The following PTPRN2 variants were observed in gnomAD, a reference collection of about 807,000 sequenced individuals.
PTPRN2 encodes protein tyrosine phosphatase receptor type N2.
A neutral mutation model predicts 118.8 loss-of-function variants in PTPRN2; 74 were observed. The observed-to-expected ratio is 0.62, with a 90% CI of 0.52 to 0.76. PTPRN2 has a LOEUF of 0.76. Among genes scored for constraint, PTPRN2 ranks in the 30% least tolerant of loss-of-function variants. PTPRN2 has a pLI of 0.00. For missense variants in PTPRN2, 1,481 were observed against 1,394.4 expected (o/e 1.06, Z -0.99); for synonymous variants, 641 against 608.0 (o/e 1.05, Z -0.80).
intron 3 of PTPRN2, among the ~76,000 whole-genome samples, chr7:158,312,529 T>C (rs1227582165): frequency 1.9e-5 from 2 of 103,258 alleles, no homozygotes; most frequent in African/African-American, 6.5e-5. Flanking sequence ...CACAGACACC[T>C]GCACACACAT....
At chr7:158,153,277 A>G (rs899764675) in intron 6 of PTPRN2, among the ~76,000 whole-genome samples, 1 of 152,200 alleles carries the variant, frequency 6.6e-6, no homozygotes, top group African/African-American at 2.4e-5. Flanking sequence ...CCAAGCCCAC[A>G]TATGATCTGA....
chr7:158,063,716 AG>A (rs1810539526), intron 11 of PTPRN2, among the ~76,000 whole-genome samples: 1 of 152,306 alleles, frequency 6.6e-6, no homozygotes, highest in African/African-American at 2.4e-5. Context: ...AAACATTAGA[AG>A]GAACAAACTC....
chr7:157,996,505 C>T (rs1389173149), intron 11 of PTPRN2, among the ~76,000 whole-genome samples: 1 of 152,230 alleles, frequency 6.6e-6, no homozygotes, highest in Non-Finnish European at 1.5e-5. Context: ...GCTTTGGTCT[C>T]TCACACGGCT....
chr7:157,657,089 C>T (rs1318975672), intron 13 of PTPRN2, among the ~76,000 whole-genome samples: 3 of 115,066 alleles, frequency 2.6e-5, no homozygotes, highest in African/African-American at 1.0e-4. Flanking sequence ...TATACACACA[C>T]ATACGCCACA....
chr7:157,765,294 ACCAT>A (rs1055550188), intron 12 of PTPRN2, among the ~76,000 whole-genome samples: 7 of 125,380 alleles, frequency 5.6e-5, no homozygotes, highest in East Asian at 2.6e-4. Flanking sequence ...CACCCATCCA[ACCAT>A]CCATCCATCT....
intron 1 of PTPRN2, among the ~76,000 whole-genome samples, chr7:158,536,783 C>T (rs1243397285): frequency 2.0e-5 from 3 of 151,446 alleles, no homozygotes; most frequent in Non-Finnish European, 4.4e-5. Context: ...CAGGAAGACA[C>T]AATGACCTTC....
rs112001039 is a variant in PTPRN2 at position 158,229,900 on chromosome 7, C to T, written c.278-24627G>A. On this transcript the variant is annotated intron_variant, in intron 3 of 22. Transcript: ENST00000389418. ...ATCTAGGTACAGGAAGGTCAGAGAA[C>T]ACCAAACAGATTTGACCCAAATAAG... Among the ~76,000 whole-genome samples, 1,220 of 151,550 alleles carry T rather than the reference C, an allele frequency of 8.1e-3. 20 individuals carry two copies. The highest frequency in any genetic ancestry group is 0.028 in the African/African-American group (1,148 of 41,466).
chr7:157,841,534 C>G (rs1438133821), intron 12 of PTPRN2, among the ~76,000 whole-genome samples: 1 of 152,168 alleles, frequency 6.6e-6, no homozygotes, highest in African/African-American at 2.4e-5. Context: ...TAAACACACA[C>G]ACAAATCTAT....
At chr7:157,920,657 G>A (rs1798648168) in intron 11 of PTPRN2, among the ~76,000 whole-genome samples, 1 of 152,230 alleles carries the variant, frequency 6.6e-6, no homozygotes, top group East Asian at 1.9e-4. Context: ...TGGCAAAGCA[G>A]CAAGGGAACT....
intron 5 of PTPRN2, among the ~76,000 whole-genome samples, chr7:158,182,744 A>T (rs1213683743): frequency 2.0e-5 from 3 of 152,210 alleles, no homozygotes; most frequent in Non-Finnish European, 4.4e-5. Flanking sequence ...CCATGTGCTC[A>T]TGAGGAGAAT....
intron 11 of PTPRN2, among the ~76,000 whole-genome samples, chr7:158,037,238 C>A (rs10281947): frequency 0.55 from 83,301 of 152,112 alleles, 23,798 homozygotes; most frequent in African/African-American, 0.65. Context: ...GAATATCTCA[C>A]TCAGCGAAGA....
chr7:157,847,660 ACT>A (rs962079432), intron 12 of PTPRN2, among the ~76,000 whole-genome samples: 2 of 142,564 alleles, frequency 1.4e-5, no homozygotes, highest in African/African-American at 5.3e-5. Flanking sequence ...GCCCTCTCTC[ACT>A]CTGTCATGCA....
intron 2 of PTPRN2, among the ~76,000 whole-genome samples, chr7:158,371,862 A>G (rs149490002): frequency 2.0e-5 from 3 of 152,262 alleles, no homozygotes; most frequent in African/African-American, 7.2e-5. Context: ...AAGATATAGT[A>G]CTTATTGAGA....
At chr7:158,421,733 T>C (rs558517253) in intron 2 of PTPRN2, among the ~76,000 whole-genome samples, 2 of 152,346 alleles carry the variant, frequency 1.3e-5, no homozygotes, top group East Asian at 1.9e-4. Flanking sequence ...CTCCGCAGCA[T>C]GTTCTGGGCT....
chr7:158,477,339 C>T (rs1019424082), intron 2 of PTPRN2, among the ~76,000 whole-genome samples: 11 of 152,200 alleles, frequency 7.2e-5, no homozygotes, highest in Admixed American at 1.3e-4. Flanking sequence ...CATTTTAACA[C>T]GCACAGAAAA....
intron 19 of PTPRN2, among the ~76,000 whole-genome samples, chr7:157,574,831 T>C (rs221300): frequency 0.48 from 72,669 of 152,158 alleles, 17,670 homozygotes; most frequent in South Asian, 0.69. Flanking sequence ...TGTGAAGCTT[T>C]CTGAGAATGT....
intron 11 of PTPRN2, among the ~76,000 whole-genome samples, chr7:157,970,562 G>A (rs530339544): frequency 1.6e-4 from 25 of 152,020 alleles, no homozygotes; most frequent in African/African-American, 3.4e-4. Flanking sequence ...ATGCAGCTGC[G>A]CAGATGGCAG....
rs188485066 is a variant in PTPRN2, at chr7:157,713,881, C to T, written c.1789-30944G>A. Among the ~76,000 whole-genome samples, 474 of 152,338 alleles carry T rather than the reference C, an allele frequency of 3.1e-3. 3 individuals are homozygous for T. Among genetic ancestry groups the T allele is most frequent in the African/African-American group, 0.011 (464 of 41,578 alleles). ...CCCTCCAGCCCTCACATGGCACACA[C>T]CTGCTGCTCTGCAGAGCACGCCTCG... On this transcript the variant is annotated intron_variant, in intron 12 of 22. Transcript: ENST00000389418.
intron 14 of PTPRN2, among the ~76,000 whole-genome samples, chr7:157,649,386 C>T (rs1385893049): frequency 1.7e-5 from 2 of 119,316 alleles, no homozygotes; most frequent in African/African-American, 2.9e-5. Context: ...TGGGTCGGAC[C>T]CATCCAGCGT....
Sources: allele counts gnomAD v4.1 joint callset (sites outside exome capture counted in the v4.1 genomes callset), GRCh38; gene constraint gnomAD v4.1.1; transcripts MANE v1.5; gene names NCBI Gene and HGNC (gene_info 2026-07-23, HGNC 2026-07-21).